The following RBMS1 variants were observed in gnomAD, a reference collection of about 807,000 sequenced individuals.
RBMS1 encodes RNA-binding motif, single-stranded-interacting protein 1.
In RBMS1, 17 loss-of-function variants were observed where a neutral mutation model predicts 62.3. The ratio of observed to expected loss-of-function variants is 0.27; its 90% CI spans 0.19 to 0.41. The LOEUF (loss-of-function observed/expected upper bound fraction) is 0.41. Among genes scored for constraint, RBMS1 ranks in the 10% least tolerant of loss-of-function variants. RBMS1 has a pLI of 1.00. For synonymous variants in RBMS1, 172 were observed against 170.0 expected (o/e 1.01, Z -0.09); for missense variants, 334 against 504.5 (o/e 0.66, Z 3.24).
intron 1 of RBMS1, among the ~76,000 whole-genome samples, chr2:160,442,039 C>T (rs889396209): frequency 6.6e-6 from 1 of 152,068 alleles, no homozygotes; most frequent in Admixed American, 6.6e-5. Context: ...TTTATGTATT[C>T]CAGATCCAAA....
At chr2:160,433,182 G>A (rs893735002) in intron 1 of RBMS1, among the ~76,000 whole-genome samples, 20 of 152,146 alleles carry the variant, frequency 1.3e-4, no homozygotes, top group African/African-American at 4.1e-4. Context: ...GGGAGGCCAA[G>A]ACAGGTGGAT....
At chr2:160,292,667 A>G (rs771317195) in intron 6 of RBMS1, among the ~76,000 whole-genome samples, 14 of 152,234 alleles carry the variant, frequency 9.2e-5, no homozygotes, top group South Asian at 2.1e-4. Flanking sequence ...GTGCTTTAAT[A>G]AAATCTTACT....
chr2:160,431,766 C>T (rs1682905444), intron 1 of RBMS1, among the ~76,000 whole-genome samples: 1 of 152,170 alleles, frequency 6.6e-6, no homozygotes, highest in African/African-American at 2.4e-5. Flanking sequence ...TCCTTCTCTA[C>T]CTCTTTGCCT....
At chr2:160,430,582 A>G (rs1489958544) in intron 1 of RBMS1, among the ~76,000 whole-genome samples, 4 of 152,216 alleles carry the variant, frequency 2.6e-5, no homozygotes, top group African/African-American at 7.2e-5. Flanking sequence ...GTTAACAACT[A>G]CTTTCTCCCG....
intron 5 of RBMS1, among the ~76,000 whole-genome samples, chr2:160,302,226 G>T (rs1428661318): frequency 4.0e-5 from 6 of 150,564 alleles, no homozygotes; most frequent in African/African-American, 1.5e-4. Flanking sequence ...TTTAAAGACA[G>T]ATCTGTCACC....
intron 1 of RBMS1, among the ~76,000 whole-genome samples, chr2:160,451,158 G>GAAA (rs71006607): frequency 1.6e-4 from 21 of 128,024 alleles, no homozygotes; most frequent in Non-Finnish European, 1.2e-4. Flanking sequence ...CCATGCTTCA[G>GAAA]AAAAAAAAAA....
chr2:160,399,074 T>G (rs1031433425), intron 1 of RBMS1, among the ~76,000 whole-genome samples: 2 of 152,216 alleles, frequency 1.3e-5, no homozygotes, highest in African/African-American at 4.8e-5. Flanking sequence ...ACTACTTCCC[T>G]GATAAAGCCC....
rs143610802 is a variant in RBMS1 at position 160,273,504 on chromosome 2, T to TAGAG, written c.*1264_*1267dup. ...ATTTTTATTTTTCAAATTTACCTAA[T>TAGAG]AGAGAGAGAGAGAGAGAGCTAGTAG... On this transcript the variant is annotated 3_prime_UTR_variant, in exon 14 of 14. Transcript: ENST00000348849. 1 of 150,278 alleles carries TAGAG rather than the reference T, an allele frequency of 6.7e-6. No individual in the cohort carries two copies. The highest frequency in any genetic ancestry group is 2.4e-5 in the African/African-American group (1 of 41,020). 9.3% of individuals were successfully genotyped at this position (150,278 alleles called of 1,614,324 possible).
At chr2:160,417,602 T>G (rs754553667) in intron 1 of RBMS1, among the ~76,000 whole-genome samples, 21 of 152,214 alleles carry the variant, frequency 1.4e-4, no homozygotes, top group Non-Finnish European at 1.5e-4. Context: ...ACAGAGATGT[T>G]AATTGACATT....
At chr2:160,451,250 G>A (rs1033004464) in intron 1 of RBMS1, among the ~76,000 whole-genome samples, 18 of 151,962 alleles carry the variant, frequency 1.2e-4, no homozygotes, top group Non-Finnish European at 2.5e-4. Context: ...GAAACACTCA[G>A]GATCTCTAAA....
At chr2:160,305,989 T>G (rs969280487) in intron 4 of RBMS1, among the ~76,000 whole-genome samples, 1 of 151,772 alleles carries the variant, frequency 6.6e-6, no homozygotes, top group East Asian at 1.9e-4. Flanking sequence ...GTCAGCGAGA[T>G]GTAGTGGTGC....
rs150822554 is a variant in RBMS1 at position 160,462,621 on chromosome 2, T to A, written c.75+30668A>T. On this transcript the variant is annotated intron_variant, in intron 1 of 13. Coordinates refer to ENST00000348849, the MANE Select transcript of RBMS1 (RefSeq NM_016836.4). ...ATTAGCCATAGTCATTTCTTTCTTT[T>A]TTTTGAGATGGAGTTTCACTCTTGT... 7.2e-5 allele frequency among the ~76,000 whole-genome samples: 11 copies of A among 152,306 alleles called. No individual in the cohort carries two copies. The East Asian group carries it at 2.1e-3, about 29-fold the overall frequency.
At chr2:160,282,348 C>T in intron 9 of RBMS1, 1 of 1,358,380 alleles carries the variant, frequency 7.4e-7, no homozygotes. Flanking sequence ...GTTAACATTT[C>T]AGTTATCTGG....
intron 2 of RBMS1, among the ~76,000 whole-genome samples, chr2:160,339,138 A>C (rs1691732483): frequency 1.3e-5 from 2 of 152,186 alleles, no homozygotes; most frequent in Admixed American, 1.3e-4. Flanking sequence ...GGAGCTGCTG[A>C]AGAAAAAGCC....
At chr2:160,460,119 G>A (rs1031584921) in intron 1 of RBMS1, among the ~76,000 whole-genome samples, 6 of 152,208 alleles carry the variant, frequency 3.9e-5, no homozygotes, top group Non-Finnish European at 8.8e-5. Context: ...CCCAGTGGTT[G>A]TCCTTACCCA....
chr2:160,428,253 A>C (rs1682729223), intron 1 of RBMS1, among the ~76,000 whole-genome samples: 1 of 152,120 alleles, frequency 6.6e-6, no homozygotes, highest in Non-Finnish European at 1.5e-5. Context: ...CTGGCAAAAA[A>C]CGTGGGGTGG....
intron 1 of RBMS1, among the ~76,000 whole-genome samples, chr2:160,371,203 T>C (rs947145173): frequency 6.6e-6 from 1 of 152,244 alleles, no homozygotes; most frequent in Non-Finnish European, 1.5e-5. Flanking sequence ...TTAGGTGTCT[T>C]GGCAGCACAA....
At chr2:160,285,143 G>T in intron 7 of RBMS1, 99 bp from the exon 8 acceptor site, 1 of 1,179,664 alleles carries the variant, frequency 8.5e-7, no homozygotes, top group Non-Finnish European at 1.3e-6. Context: ...TGTAGTCCCA[G>T]CTGCTGGGGA....
chr2:160,306,513 A>C (rs1252142771), intron 4 of RBMS1, among the ~76,000 whole-genome samples: 1 of 152,164 alleles, frequency 6.6e-6, no homozygotes, highest in Non-Finnish European at 1.5e-5. Context: ...CCTGTCGGTT[A>C]AAAACCTAAT....
Sources: gnomAD v4.1 joint callset for allele counts (sites outside exome capture counted in the v4.1 genomes callset) on GRCh38, gnomAD v4.1.1 for gene constraint, MANE v1.5 for transcripts, NCBI Gene and HGNC (gene_info 2026-07-23, HGNC 2026-07-21) for gene names.